Variants in HERC2 observed in about 807,000 individuals in gnomAD.
The protein encoded by HERC2 is HECT and RLD domain containing E3 ubiquitin protein ligase 2.
In HERC2, 102 loss-of-function variants were observed where a neutral mutation model predicts 537.7. The observed-to-expected ratio is 0.19, with a 90% CI of 0.16 to 0.22. The LOEUF is 0.22. HERC2 is among the 10% of genes least tolerant of loss of function. The probability of loss-of-function intolerance (pLI) is 1.00; values close to 1 mark genes in which losing one functional copy is unlikely to be tolerated. For missense variants in HERC2, 4,236 were observed against 6,198.2 expected, an observed-to-expected ratio of 0.68 and a Z score of 10.63; for synonymous variants, 2,224 against 2,466.2, an observed-to-expected ratio of 0.90 and a Z score of 2.91.
In HERC2 at chr15:28,218,483, C is replaced by G. The variant is rs1365295208; in HGVS notation, c.6028+6G>C. On this transcript the variant is annotated splice_donor_region_variant and intron_variant, in intron 38 of 92. Coordinates refer to ENST00000261609, the MANE Select transcript of HERC2 (RefSeq NM_004667.6). ...CTCCCTGGGCCCTCGATCTCTCATTCCATACATGTCTTGTCCGTCGTTCCG... is the reference window on the plus strand; with the variant it reads ...CTCCCTGGGCCCTCGATCTCTCATTGCATACATGTCTTGTCCGTCGTTCCG... 1 of 1,591,428 alleles carries G rather than the reference C, an allele frequency of 6.3e-7. No individual in the cohort carries two copies. The highest frequency in any genetic ancestry group is 8.5e-7 in the Non-Finnish European group (1 of 1,177,118).
chr15:28,176,350 G>A lies in HERC2; in HGVS notation c.9686+78C>T. 4.4e-6 allele frequency: 6 copies of A among 1,377,018 alleles called. No individual in the cohort carries two copies. The highest frequency in any genetic ancestry group is 6.1e-6 in the Non-Finnish European group (6 of 982,158). 85.3% of individuals were successfully genotyped at this position (1,377,018 alleles called of 1,614,324 possible). ...AGGACACGTCACAATCACGCCGGGT[G>A]AGCCTGGGGCGAGGCCCAGGTTCCC... On this transcript the variant is annotated intron_variant, in intron 63 of 92. Coordinates refer to ENST00000261609, the MANE Select transcript of HERC2 (RefSeq NM_004667.6). The surrounding 1 kb of genome is among the most constrained non-coding windows in gnomAD (Gnocchi z 5.0).
chr15:28,320,713 G>A (rs2077207020), intron 2 of HERC2, among the ~76,000 whole-genome samples: 1 of 151,498 alleles, frequency 6.6e-6, no homozygotes, highest in Non-Finnish European at 1.5e-5. Flanking sequence ...AATAAAAGTA[G>A]ATTGGGTGTA....
At chr15:28,279,355 A>G (rs2075961826) in intron 5 of HERC2, among the ~76,000 whole-genome samples, 1 of 152,206 alleles carries the variant, frequency 6.6e-6, no homozygotes, top group Non-Finnish European at 1.5e-5. Context: ...TGAAGCATCT[A>G]AACTAGTTGG....
chr15:28,144,615 T>C, intron 72 of HERC2, 58 bp downstream of exon 72: 1 of 1,611,862 alleles, frequency 6.2e-7, no homozygotes, highest in Non-Finnish European at 8.5e-7. Context: ...TCCCTGTTGC[T>C]CCAGAAACAA....
intron 16 of HERC2, among the ~76,000 whole-genome samples, chr15:28,259,432 G>C (rs1224934035): frequency 5.9e-5 from 9 of 151,990 alleles, no homozygotes; most frequent in Non-Finnish European, 1.3e-4. Context: ...ACTCAGATGG[G>C]ATTCAAAAAC....
chr15:28,287,898 G>C (rs527383549), intron 4 of HERC2, among the ~76,000 whole-genome samples: 64 of 151,648 alleles, frequency 4.2e-4, no homozygotes, highest in African/African-American at 1.4e-3. Flanking sequence ...TAATTTTTTT[G>C]TATCTTTAGT....
At position 28,132,730 on chromosome 15, in the gene HERC2, C is replaced by T; in HGVS notation, c.12331G>A (p.Asp4111Asn). The T allele has an allele frequency of 6.2e-7, 1 of 1,609,068 alleles. No homozygotes were observed. Among genetic ancestry groups the T allele is most frequent in the Non-Finnish European group, 8.5e-7 (1 of 1,177,960 alleles). Residue 4111 changes from aspartate (D) to asparagine (N), a missense_variant, in exon 80 of 93, where the codon GAC becomes AAC. Physicochemically the swap from Asp to Asn is conservative, Grantham distance 23. Transcript: ENST00000261609. ...AHSACVTAAG[D>N]LYTWGKGRYG... is the part of the protein sequence containing the mutation. ...CGGCCTTTGCCCCATGTGTAGAGGT[C>T]CCCGGCTGCTGTGACACAGGCGCTG...
At position 28,179,895 on chromosome 15, in the gene HERC2, G is replaced by A. The variant is rs538658881; in HGVS notation, c.8938-672C>T. Among the ~76,000 whole-genome samples the A allele has an allele frequency of 5.3e-5, 8 of 152,326 alleles. No homozygotes were observed. In the East Asian group the frequency reaches 1.5e-3, roughly 29 times the overall value. ...GAGCTGTGTTTGTGTTTTAAGCTAA[G>A]TATTATTACAAGAGTCAAAAAGTTT... On this transcript the variant is annotated intron_variant, in intron 57 of 92. Transcript: ENST00000261609.
At chr15:28,264,010 CTT>C in intron 14 of HERC2, among the ~76,000 whole-genome samples, 1 of 100,040 alleles carries the variant, frequency 1.0e-5, no homozygotes, top group East Asian at 2.9e-4. Flanking sequence ...CAGAGCAAAA[CTT>C]TGTCTTACAA....
intron 2 of HERC2, among the ~76,000 whole-genome samples, chr15:28,317,929 T>G (rs1216893238): frequency 6.6e-6 from 1 of 152,178 alleles, no homozygotes; most frequent in Non-Finnish European, 1.5e-5. Flanking sequence ...TTTAAAAAAT[T>G]GCTTCATGCC....
At chr15:28,207,382 C>T (rs1211353540) in intron 44 of HERC2, among the ~76,000 whole-genome samples, 3 of 152,146 alleles carry the variant, frequency 2.0e-5, no homozygotes, top group Admixed American at 2.0e-4. Context: ...GTGATCCACC[C>T]GCCTCGGCAT....
rs745654643 is a variant in HERC2, at chr15:28,269,482, A to G, written c.1258-46T>C. 15 of 1,476,002 alleles carry G rather than the reference A, an allele frequency of 1.0e-5. No homozygotes were observed. The Admixed American group carries it at 1.1e-4, about 11-fold the overall frequency. 91.4% of individuals were successfully genotyped at this position (1,476,002 alleles called of 1,614,324 possible). A position where few individuals can be genotyped will look rare whatever the true frequency, so the allele number is the denominator to read the frequency against. On this transcript the variant is annotated intron_variant, in intron 10 of 92. Coordinates refer to ENST00000261609, the MANE Select transcript of HERC2 (RefSeq NM_004667.6). ...CATTTCCTTTAACAACAACAACAATAAAAAAAGGCTGGGAGTAACACTGAG... is the reference window on the plus strand; with the variant it reads ...CATTTCCTTTAACAACAACAACAATGAAAAAAGGCTGGGAGTAACACTGAG...
Position 28,192,050 on chromosome 15 carries a change from T to C in HERC2, c.8362A>G (p.Ser2788Gly). The change falls in exon 53 of 93, where the codon AGC becomes GGC. Residue 2788 changes from serine (S) to glycine (G), a missense_variant. Coordinates refer to ENST00000261609, the MANE Select transcript of HERC2 (RefSeq NM_004667.6). ...LLDSWSRMVK[S>G]LNVSSSVNQA... Reference sequence around the variant, plus strand: ...TTCACGGAGGACGACACATTCAGGCTCTTCACCATGCGGGACCAGCTGTCC... The same window carrying C: ...TTCACGGAGGACGACACATTCAGGCCCTTCACCATGCGGGACCAGCTGTCC... The C allele has an allele frequency of 6.2e-7, 1 of 1,614,064 alleles. No individual in the cohort carries two copies. Among genetic ancestry groups the C allele is most frequent in the Non-Finnish European group, 8.5e-7 (1 of 1,180,040 alleles).
chr15:28,157,859 C>A (rs1329935002), intron 69 of HERC2, among the ~76,000 whole-genome samples: 4 of 152,118 alleles, frequency 2.6e-5, no homozygotes, highest in Non-Finnish European at 4.4e-5. Context: ...ATCTTTCCTG[C>A]TTTCTCTTGT....
At chr15:28,310,692 G>A (rs1314537063) in intron 2 of HERC2, among the ~76,000 whole-genome samples, 2 of 152,072 alleles carry the variant, frequency 1.3e-5, no homozygotes, top group East Asian at 3.8e-4. Context: ...TGCTCCAGGA[G>A]TTTCAGACTA....
intron 4 of HERC2, among the ~76,000 whole-genome samples, chr15:28,285,684 G>A (rs1290983110): frequency 6.8e-6 from 1 of 146,216 alleles, no homozygotes; most frequent in African/African-American, 2.5e-5. Flanking sequence ...CAGAAAAGAA[G>A]AAATAATTAA....
In HERC2 at chr15:28,228,336, T is replaced by C; in HGVS notation, c.5346A>G (p.Gln1782=). 2 of 1,612,280 alleles carry C rather than the reference T, an allele frequency of 1.2e-6. No homozygotes were observed. Among genetic ancestry groups the C allele is most frequent in the Non-Finnish European group, 1.7e-6 (2 of 1,179,854 alleles). Residue 1782 remains glutamine, a synonymous_variant, in exon 35 of 93, where the codon CAA becomes CAG. Transcript: ENST00000261609. ...TGAGCATCACCAGGAGGAAGCGGGC[T>C]TGCGGGATGGTCCCCAGGCTCGGTC... ...PSGPSLGTIP[Q]ARFLLVMLSM... is the part of the protein sequence containing the mutation.
At chr15:28,279,968 T>C in intron 5 of HERC2, 100 bp downstream of exon 5, 3 of 857,396 alleles carry the variant, frequency 3.5e-6, no homozygotes, top group Non-Finnish European at 3.6e-6. Context: ...TTTCAGAAGG[T>C]GAAGACAGCC....
At chr15:28,283,221 C>T (rs932682276) in intron 4 of HERC2, among the ~76,000 whole-genome samples, 4 of 151,756 alleles carry the variant, frequency 2.6e-5, no homozygotes, top group African/African-American at 9.7e-5. Flanking sequence ...GTAAGCAAAC[C>T]CTAAACAGGA....
Sources: gnomAD v4.1 joint callset for allele counts (sites outside exome capture counted in the v4.1 genomes callset) on GRCh38, gnomAD v4.1.1 for gene constraint, Gnocchi (gnomAD v3.1) non-coding constraint, MANE v1.5 for transcripts, NCBI Gene and HGNC (gene_info 2026-07-23, HGNC 2026-07-21) for gene names.